FOXN2: variants seen among roughly 807,000 people sequenced by gnomAD.
FOXN2 encodes forkhead box protein N2.
In FOXN2, 19 loss-of-function variants were observed where a neutral mutation model predicts 41.2. That is an observed-to-expected ratio of 0.46 (90% CI 0.32 to 0.68). The LOEUF (loss-of-function observed/expected upper bound fraction) is 0.68. Ranked by LOEUF, FOXN2 falls within the 30% of genes least tolerant of loss-of-function variation. The pLI is 0.03. For missense variants in FOXN2, 587 were observed against 509.4 expected (o/e 1.15, Z -1.47); for synonymous variants, 195 against 176.8 (o/e 1.10, Z -0.82).
At position 48,322,946 on chromosome 2, in the gene FOXN2, C is replaced by T. The variant is rs536339381; in HGVS notation, c.-156-5615C>T. Among the ~76,000 whole-genome samples, 79 of 150,146 alleles carry T rather than the reference C, an allele frequency of 5.3e-4. 2 individuals carry two copies. Among genetic ancestry groups the T allele is most frequent in the African/African-American group, 1.9e-3 (78 of 41,046 alleles). ...TGTAACTTTGTGTGGGATTCAATCT[C>T]TTAAAAGTATGAATGCTTTCATTTA... is the stretch of plus-strand genomic sequence containing the variant. On this transcript the variant is annotated intron_variant, in intron 1 of 6. Transcript: ENST00000340553.
chr2:48,337,667 A>G (rs1257313417), intron 2 of FOXN2, among the ~76,000 whole-genome samples: 1 of 152,140 alleles, frequency 6.6e-6, no homozygotes, highest in Admixed American at 6.5e-5. Context: ...ATGGACACTT[A>G]GGCTGCTGCC....
chr2:48,323,827 C>G (rs575038312), intron 1 of FOXN2, among the ~76,000 whole-genome samples: 1 of 151,892 alleles, frequency 6.6e-6, no homozygotes, highest in Non-Finnish European at 1.5e-5. Context: ...AGTTTTTTCT[C>G]GGTTTTCTTC....
chr2:48,338,435 T>C (rs1015237157), intron 2 of FOXN2, among the ~76,000 whole-genome samples: 1 of 151,706 alleles, frequency 6.6e-6, no homozygotes, highest in Admixed American at 6.6e-5. Context: ...GGAATCTTGC[T>C]CTGTCGCCCA....
intron 5 of FOXN2, among the ~76,000 whole-genome samples, chr2:48,367,648 T>C (rs948576992): frequency 6.6e-6 from 1 of 152,238 alleles, no homozygotes; most frequent in Non-Finnish European, 1.5e-5. Flanking sequence ...GAATTATTTC[T>C]ATAGTTCTCA....
At chr2:48,365,182 G>A (rs1253411378) in intron 5 of FOXN2, among the ~76,000 whole-genome samples, 1 of 152,162 alleles carries the variant, frequency 6.6e-6, no homozygotes, top group Non-Finnish European at 1.5e-5. Flanking sequence ...ACTAAACTGA[G>A]CCTCAGAAGC....
chr2:48,345,597 C>T lies in FOXN2; in HGVS notation c.-14-604C>T, dbSNP rs1372346432. On this transcript the variant is annotated intron_variant, in intron 2 of 6. Coordinates refer to ENST00000340553, the MANE Select transcript of FOXN2 (RefSeq NM_002158.4). The stretch of plus-strand genomic sequence containing the variant: ...ACATGTATCATAATATCACATTGTA[C>T]CCCATAAATATATATAATCATTATT... Among the ~76,000 whole-genome samples, 4 of 151,912 alleles carry T rather than the reference C, an allele frequency of 2.6e-5. No homozygotes were observed. In the East Asian group the frequency reaches 7.7e-4, roughly 29 times the overall value.
At chr2:48,317,596 T>C (rs969686883) in intron 1 of FOXN2, among the ~76,000 whole-genome samples, 8 of 14,898 alleles carry the variant, frequency 5.4e-4, no homozygotes, top group African/African-American at 2.6e-3. Context: ...ATAGTATTGC[T>C]TTTTTTTTTT....
At chr2:48,358,466 G>A (rs1470351497) in intron 3 of FOXN2, among the ~76,000 whole-genome samples, 1 of 152,126 alleles carries the variant, frequency 6.6e-6, no homozygotes, top group African/African-American at 2.4e-5. Context: ...TCAATAAGTA[G>A]TGATCGGGAC....
chr2:48,317,259 G>T (rs552619257), intron 1 of FOXN2, among the ~76,000 whole-genome samples: 2 of 152,072 alleles, frequency 1.3e-5, no homozygotes, highest in East Asian at 3.9e-4. Context: ...GACCAGCCTG[G>T]CCAACGTGGC....
chr2:48,359,276 T>A, intron 4 of FOXN2, 129 bp downstream of exon 4: 2 of 480,174 alleles, frequency 4.2e-6, no homozygotes, highest in Non-Finnish European at 6.6e-6. Context: ...TTTTATTTAG[T>A]TTTTAGTTTT....
chr2:48,355,438 G>A (rs552741452), intron 3 of FOXN2, among the ~76,000 whole-genome samples: 39 of 152,212 alleles, frequency 2.6e-4, no homozygotes, highest in African/African-American at 9.1e-4. Context: ...CACGAGTCAG[G>A]GTGGGAGGGA....
chr2:48,377,629 C>T lies in FOXN2; in HGVS notation c.*2186C>T, dbSNP rs1673333299. 6.6e-6 allele frequency: 1 copy of T among 152,138 alleles called. No individual in the cohort carries two copies. The highest frequency in any genetic ancestry group is 1.9e-4 in the East Asian group (1 of 5,188). The allele number at this position is 152,138 out of a possible 1,614,324, so 9.4% of individuals were successfully genotyped here. A position where few individuals can be genotyped will look rare whatever the true frequency, so the allele number is the denominator to read the frequency against. On this transcript the variant is annotated 3_prime_UTR_variant, in exon 7 of 7. Transcript: ENST00000340553. The stretch of plus-strand genomic sequence containing the variant: ...ATTTTTCTCTTCCTTTTTATTCACT[C>T]TTCCCACGAATTTAAATGTTTAAGT...
At chr2:48,373,390 AT>A (rs1673034732) in intron 6 of FOXN2, 30 bp downstream of exon 6, 2 of 1,328,224 alleles carry the variant, frequency 1.5e-6, no homozygotes, top group Non-Finnish European at 2.1e-6. Flanking sequence ...TTAAAAAAAA[AT>A]TTTAGTGCCT....
At chr2:48,317,614 T>C (rs1198119020) in intron 1 of FOXN2, among the ~76,000 whole-genome samples, 45 of 117,660 alleles carry the variant, frequency 3.8e-4, no homozygotes, top group African/African-American at 1.5e-3. Context: ...TTTTTTTTTT[T>C]TTTTTTTTTT....
At chr2:48,313,667 C>G (rs1310091651), upstream of FOXN2, among the ~76,000 whole-genome samples, 1 of 152,186 alleles carries the variant, frequency 6.6e-6, no homozygotes, top group Non-Finnish European at 1.5e-5. Flanking sequence ...AAACTAGAGC[C>G]TTAGTGCTGC....
intron 1 of FOXN2, among the ~76,000 whole-genome samples, chr2:48,325,174 G>A (rs1669579358): frequency 6.6e-6 from 1 of 152,186 alleles, no homozygotes. Context: ...TAGTGTAGCA[G>A]TGAATAGTGT....
chr2:48,317,277 C>T (rs1257637134), intron 1 of FOXN2, among the ~76,000 whole-genome samples: 3 of 151,878 alleles, frequency 2.0e-5, no homozygotes, highest in African/African-American at 7.3e-5. Context: ...GGCAAAACCC[C>T]ATCTCTACCA....
intron 1 of FOXN2, among the ~76,000 whole-genome samples, chr2:48,325,926 G>T (rs566805139): frequency 8.9e-4 from 128 of 143,484 alleles, no homozygotes; most frequent in African/African-American, 3.2e-3. Flanking sequence ...TTGGCTCACT[G>T]CAAACTGTGT....
chr2:48,368,703 C>T (rs745320724), intron 5 of FOXN2, among the ~76,000 whole-genome samples: 4 of 152,062 alleles, frequency 2.6e-5, no homozygotes, highest in Admixed American at 6.6e-5. Context: ...AAATAACGAA[C>T]GAATCAACGA....
Sources: allele counts gnomAD v4.1 joint callset (sites outside exome capture counted in the v4.1 genomes callset), GRCh38; gene constraint gnomAD v4.1.1; transcripts MANE v1.5; gene names NCBI Gene and HGNC (gene_info 2026-07-23, HGNC 2026-07-21).